Variants in ANKS1A observed in about 807,000 individuals in gnomAD.
The protein encoded by ANKS1A is ankyrin repeat and sterile alpha motif domain containing 1A.
A neutral mutation model predicts 120.3 loss-of-function variants in ANKS1A; 55 were observed. The observed-to-expected ratio is 0.46, with a 90% CI of 0.37 to 0.57. The LOEUF (loss-of-function observed/expected upper bound fraction) is 0.57, where lower values mean the gene tolerates loss of function less well. ANKS1A is among the 20% of genes least tolerant of loss of function. ANKS1A has a pLI of 0.00. For synonymous variants in ANKS1A, 590 were observed against 604.7 expected (o/e 0.98, Z 0.36); for missense variants, 1,123 against 1,480.3 (o/e 0.76, Z 3.96).
At chr6:34,972,399 T>G (rs908793789) in intron 3 of ANKS1A, among the ~76,000 whole-genome samples, 7 of 152,080 alleles carry the variant, frequency 4.6e-5, no homozygotes, top group Non-Finnish European at 1.0e-4. Flanking sequence ...AGTAGGATGC[T>G]TAGATTAAAG....
chr6:34,927,135 AC>A (rs745663300), intron 1 of ANKS1A, among the ~76,000 whole-genome samples: 2 of 152,138 alleles, frequency 1.3e-5, no homozygotes, highest in Non-Finnish European at 2.9e-5. Flanking sequence ...AAATCATATT[AC>A]GTAAAATGGT....
At chr6:35,039,076 A>G (rs76974221) in intron 11 of ANKS1A, among the ~76,000 whole-genome samples, 2 of 63,852 alleles carry the variant, frequency 3.1e-5, no homozygotes, top group African/African-American at 4.1e-5. Context: ...TTTTGCATGT[A>G]TGTGTGTGTG....
chr6:34,910,073 C>G (rs774555977), intron 1 of ANKS1A, among the ~76,000 whole-genome samples: 2 of 152,132 alleles, frequency 1.3e-5, no homozygotes, highest in Non-Finnish European at 2.9e-5. Context: ...TTAGGAAGAT[C>G]ACTTCAGATT....
intron 1 of ANKS1A, among the ~76,000 whole-genome samples, chr6:34,957,382 A>G (rs188689244): frequency 4.4e-4 from 67 of 152,328 alleles, no homozygotes; most frequent in African/African-American, 1.3e-3. Context: ...GTATGTAGAA[A>G]GCATTTTAGG....
intron 3 of ANKS1A, among the ~76,000 whole-genome samples, chr6:34,980,117 G>T (rs1581588995): frequency 6.6e-6 from 1 of 152,224 alleles, no homozygotes; most frequent in Non-Finnish European, 1.5e-5. Flanking sequence ...CCTTCCTCCA[G>T]ACTTTCAGGT....
Position 35,060,050 on chromosome 6 carries a change from A to G in ANKS1A, c.2078-97A>G, listed in dbSNP as rs1776411343. On this transcript the variant is annotated intron_variant, in intron 12 of 23. Coordinates refer to ENST00000360359, the MANE Select transcript of ANKS1A (RefSeq NM_015245.3). The surrounding 1 kb of genome is among the most constrained non-coding windows in gnomAD (Gnocchi z 4.5). The stretch of plus-strand genomic sequence containing the variant: ...GTTTGGCTGTTTGATGGTAATGACT[A>G]TGATGTGGCAATGCCATCTATCTTC... 2.1e-6 allele frequency: 2 copies of G among 930,800 alleles called. No homozygotes were observed. Among genetic ancestry groups the G allele is most frequent in the Admixed American group, 2.1e-5 (1 of 48,592 alleles). 57.7% of individuals were successfully genotyped at this position (930,800 alleles called of 1,614,324 possible). A position where few individuals can be genotyped will look rare whatever the true frequency, so the allele number is the denominator to read the frequency against.
intron 1 of ANKS1A, among the ~76,000 whole-genome samples, chr6:34,935,227 C>T (rs1269268726): frequency 1.3e-5 from 2 of 152,192 alleles, no homozygotes; most frequent in African/African-American, 2.4e-5. Context: ...GCTGGGACTA[C>T]AGGCATGCAT....
intron 1 of ANKS1A, among the ~76,000 whole-genome samples, chr6:34,949,332 G>T (rs951389477): frequency 2.0e-5 from 3 of 152,140 alleles, no homozygotes; most frequent in Non-Finnish European, 4.4e-5. Flanking sequence ...GAGCCAGAAG[G>T]GTACCTGGGG....
rs1488886521 is a variant in ANKS1A at position 34,981,833 on chromosome 6, G to A, written c.579G>A (p.Gly193=). The A allele has an allele frequency of 6.2e-7, 1 of 1,614,122 alleles. No homozygotes were observed. Among genetic ancestry groups the A allele is most frequent in the South Asian group, 1.1e-5 (1 of 91,078 alleles). Reference sequence around the variant, plus strand: ...CTTTGGACCTGGCAGCACTGTACGGGCGACTGGAGGTGGTGAAAATGCTCC... The same window carrying A: ...CTTTGGACCTGGCAGCACTGTACGGACGACTGGAGGTGGTGAAAATGCTCC... ...ETPLDLAALY[G]RLEVVKMLLN... is the part of the protein sequence containing the mutation. Residue 193 remains glycine (G), a synonymous_variant, in exon 4 of 24, where the codon GGG becomes GGA. Coordinates refer to ENST00000360359, the MANE Select transcript of ANKS1A (RefSeq NM_015245.3).
intron 1 of ANKS1A, among the ~76,000 whole-genome samples, chr6:34,934,551 T>C (rs1372247067): frequency 6.6e-6 from 1 of 152,238 alleles, no homozygotes; most frequent in East Asian, 1.9e-4. Flanking sequence ...TTGGCATTAC[T>C]CTAGGACCCT....
chr6:34,925,516 A>G (rs1768671408), intron 1 of ANKS1A, among the ~76,000 whole-genome samples: 1 of 152,178 alleles, frequency 6.6e-6, no homozygotes, highest in South Asian at 2.1e-4. Flanking sequence ...GAACCTTTCT[A>G]GAGAAATAGC....
At chr6:34,911,510 A>G (rs369608937) in intron 1 of ANKS1A, among the ~76,000 whole-genome samples, 58 of 152,164 alleles carry the variant, frequency 3.8e-4, no homozygotes, top group Non-Finnish European at 6.6e-4. Flanking sequence ...GCCTTCTTCA[A>G]TCACACTGAG....
chr6:35,078,504 G>T, intron 13 of ANKS1A, 54 bp from the exon 14 acceptor site: 1 of 1,561,760 alleles, frequency 6.4e-7, no homozygotes, highest in South Asian at 1.1e-5. Context: ...ACCCCCTCAG[G>T]GCCACCAGCC....
chr6:35,091,221 G>C lies in ANKS1A; in HGVS notation c.*2612G>C, dbSNP rs769858422. On this transcript the variant is annotated 3_prime_UTR_variant, in exon 24 of 24. Transcript: ENST00000360359. ...TGTATATAAAATTGTTAATCTGTCT[G>C]ATTTTGTCTGAATTATAAACACTTT... 1.0e-6 allele frequency: 1 copy of C among 985,732 alleles called. No individual in the cohort carries two copies. The highest frequency in any genetic ancestry group is 1.2e-6 in the Non-Finnish European group (1 of 829,820). 61.1% of individuals were successfully genotyped at this position (985,732 alleles called of 1,614,324 possible).
intron 1 of ANKS1A, among the ~76,000 whole-genome samples, chr6:34,894,254 C>G (rs745715359): frequency 6.6e-6 from 1 of 152,158 alleles, no homozygotes; most frequent in Non-Finnish European, 1.5e-5. Flanking sequence ...TAGTGAAATA[C>G]TGATTTCCAA....
chr6:35,093,508 A>G (rs1778371280), downstream of ANKS1A, among the ~76,000 whole-genome samples: 1 of 152,228 alleles, frequency 6.6e-6, no homozygotes, highest in African/African-American at 2.4e-5. Context: ...ATTTGAGTCT[A>G]TAAAAACTAA....
At chr6:34,915,192 A>T (rs1393234219) in intron 1 of ANKS1A, among the ~76,000 whole-genome samples, 1 of 152,220 alleles carries the variant, frequency 6.6e-6, no homozygotes, top group Non-Finnish European at 1.5e-5. Context: ...CATCAGGGCT[A>T]AGGCCATGTC....
At chr6:35,067,105 G>C (rs546466871) in intron 13 of ANKS1A, among the ~76,000 whole-genome samples, 8 of 152,270 alleles carry the variant, frequency 5.3e-5, no homozygotes, top group African/African-American at 1.7e-4. Context: ...CGCCCCAGGT[G>C]GGTGACTGCA....
chr6:34,907,538 A>G lies in ANKS1A; in HGVS notation c.197+17939A>G, dbSNP rs1055219653. On this transcript the variant is annotated intron_variant, in intron 1 of 23. Transcript: ENST00000360359. ...CTGCGTTTGGTTGGAAAAAATCTGCATGTAAGTGGACCCAAGCAGTTCCAA... is the reference window on the plus strand; with the variant it reads ...CTGCGTTTGGTTGGAAAAAATCTGCGTGTAAGTGGACCCAAGCAGTTCCAA... 7.2e-5 allele frequency among the ~76,000 whole-genome samples: 11 copies of G among 152,292 alleles called. No individual in the cohort carries two copies. In the East Asian group the frequency reaches 1.7e-3, roughly 24 times the overall value.
Sources: allele counts gnomAD v4.1 joint callset (sites outside exome capture counted in the v4.1 genomes callset), GRCh38; gene constraint gnomAD v4.1.1; non-coding constraint Gnocchi (gnomAD v3.1); transcripts MANE v1.5; gene names NCBI Gene and HGNC (gene_info 2026-07-23, HGNC 2026-07-21).